The following PLCXD1 variants were observed in gnomAD, a reference collection of about 807,000 sequenced individuals.
PLCXD1 encodes PI-PLC X domain-containing protein 1.
PLCXD1 carries 45 observed loss-of-function variants against 37.8 expected under a neutral mutation model. The ratio of observed to expected loss-of-function variants is 1.19; its 90% CI spans 0.94 to 1.53. The LOEUF (loss-of-function observed/expected upper bound fraction) is 1.53, where lower values mean the gene tolerates loss of function less well. PLCXD1 is among the 40% of genes most tolerant of loss of function. The pLI is 0.00. For missense variants in PLCXD1, 539 were observed against 454.7 expected (o/e 1.19, Z -1.69); for synonymous variants, 246 against 206.9 (o/e 1.19, Z -1.62).
chrX:281,095 G>GA (rs765117203), upstream of PLCXD1: 3 of 27,038 alleles, frequency 1.1e-4, no homozygotes, highest in Admixed American at 7.5e-4. Flanking sequence ...CGTGCAGGGG[G>GA]AGGGGGGGCC....
At chrX:291,281 G>T (rs1455808077) in intron 4 of PLCXD1, among the ~76,000 whole-genome samples, 18 of 152,048 alleles carry the variant, frequency 1.2e-4, no homozygotes, top group Admixed American at 1.2e-3. Flanking sequence ...AAGTAGCTGG[G>T]ATTACAGACG....
Position 299,100 on chromosome X carries a change from G to C in PLCXD1, c.737G>C (p.Gly246Ala). The stretch of plus-strand genomic sequence containing the variant: ...CTCCCCACCCTCACCGTTGCAGGAG[G>C]GTTGTTCGTGGCCGGCATCAACCTC... ...ETMKSCGRPG[G>A]LFVAGINLTE... The change falls in exon 7 of 7, where the codon GGG becomes GCG. Residue 246 changes from glycine to alanine, a missense_variant. Coordinates refer to ENST00000381657, the MANE Select transcript of PLCXD1 (RefSeq NM_018390.4). 1 of 1,612,778 alleles carries C rather than the reference G, an allele frequency of 6.2e-7. No homozygotes were observed. The highest frequency in any genetic ancestry group is 8.5e-7 in the Non-Finnish European group (1 of 1,178,780).
chrX:284,621 TCTGCACAC>T (rs2069388403), intron 2 of PLCXD1, among the ~76,000 whole-genome samples: 5 of 149,562 alleles, frequency 3.3e-5, no homozygotes, highest in African/African-American at 7.4e-5. Context: ...CACATGCACA[TCTGCACAC>T]GCACATCTGC....
chrX:283,971 T>G lies in PLCXD1; in HGVS notation c.-21-196T>G, dbSNP rs777702863. 28 of 526,638 alleles carry G rather than the reference T, an allele frequency of 5.3e-5. 1 individual carries two copies. In the East Asian group the frequency reaches 9.3e-4, roughly 18 times the overall value. 32.6% of individuals were successfully genotyped at this position (526,638 alleles called of 1,614,324 possible). On this transcript the variant is annotated intron_variant, in intron 1 of 6. Transcript: ENST00000381657. Reference sequence around the variant, plus strand: ...ATCTCCGCTCACTGTAACCTCCACCTCCCGGGTTCAAGCGATTCTCCTGCC... The same window carrying G: ...ATCTCCGCTCACTGTAACCTCCACCGCCCGGGTTCAAGCGATTCTCCTGCC...
chrX:295,802 CAG>C (rs1483198890), intron 6 of PLCXD1, among the ~76,000 whole-genome samples: 5 of 151,834 alleles, frequency 3.3e-5, no homozygotes, highest in Admixed American at 6.6e-5. Context: ...GCTGGGATGA[CAG>C]GCGTGAGCCA....
At chrX:276,910 G>A (rs1466532442), upstream of PLCXD1, among the ~76,000 whole-genome samples, 4 of 152,204 alleles carry the variant, frequency 2.6e-5, no homozygotes, top group African/African-American at 4.8e-5. Flanking sequence ...CCTCTGGGAC[G>A]TGAGTCTCCC....
At chrX:284,337 G>T in intron 2 of PLCXD1, 23 bp downstream of exon 2, 2 of 1,612,078 alleles carry the variant, frequency 1.2e-6, no homozygotes, top group Non-Finnish European at 1.7e-6. Context: ...TGGGGCAGGG[G>T]CCGTTGCCTC....
upstream of PLCXD1, among the ~76,000 whole-genome samples, chrX:278,124 A>T: frequency 8.2e-6 from 1 of 122,332 alleles, no homozygotes; most frequent in African/African-American, 3.2e-5. Context: ...AGGTGTGGGG[A>T]CAGGAGTGGA....
In PLCXD1 at chrX:299,213, G is replaced by T; in HGVS notation, c.850G>T (p.Val284Phe). 6.2e-7 allele frequency: 1 copy of T among 1,613,886 alleles called. No homozygotes were observed. The highest frequency in any genetic ancestry group is 8.5e-7 in the Non-Finnish European group (1 of 1,179,846). ...LPNLPRLSAWVREQCPGPGSR... is the reference protein window; with the variant it reads ...LPNLPRLSAWFREQCPGPGSR... ...CAACCTTCCGCGGCTGAGCGCGTGG[G>T]TCCGAGAGCAGTGCCCGGGGCCGGG... The change falls in exon 7 of 7, where the codon GTC becomes TTC. Residue 284 changes from valine (V) to phenylalanine (F), a missense_variant. Physicochemically the swap from Val to Phe is conservative, Grantham distance 50. Coordinates refer to ENST00000381657, the MANE Select transcript of PLCXD1 (RefSeq NM_018390.4).
Position 290,730 on chromosome X carries a change from A to G in PLCXD1, c.347A>G (p.Lys116Arg), listed in dbSNP as rs776145990. 16 of 1,613,574 alleles carry G rather than the reference A, an allele frequency of 9.9e-6. No individual in the cohort carries two copies. The East Asian group carries it at 3.1e-4, about 31-fold the overall frequency. ...RIAHMLEGSE[K>R]NLHFVHMVYT... is the part of the protein sequence containing the mutation. ...GCCCACATGCTGGAGGGCTCGGAGA[A>G]GAACCTGCACTTTGTCCATATGGTG... Residue 116 changes from lysine (K) to arginine (R), a missense_variant, in exon 4 of 7, where the codon AAG (lysine) becomes AGG (arginine). Physicochemically the swap from Lys to Arg is conservative, Grantham distance 26. Transcript: ENST00000381657.
chrX:277,934 CAG>C (rs1491381114), upstream of PLCXD1, among the ~76,000 whole-genome samples: 1 of 32,556 alleles, frequency 3.1e-5, no homozygotes, highest in African/African-American at 1.5e-4. Context: ...GGGGAGGGGT[CAG>C]GGGGAACGTG....
rs371463694 is a variant in PLCXD1 at position 288,611 on chromosome X, A to G, written c.128-122A>G. ...GGGGTCAGCGTGCACCCCTCCCGCC[A>G]TACCTGTGCCTGTGCTGTGGGCGGG... On this transcript the variant is annotated intron_variant, in intron 2 of 6. Transcript: ENST00000381657. 1.4e-5 allele frequency: 15 copies of G among 1,065,200 alleles called. No individual in the cohort carries two copies. In the East Asian group the frequency reaches 2.6e-4, roughly 19 times the overall value. The allele number at this position is 1,065,200 out of a possible 1,614,324, so 66.0% of individuals were successfully genotyped here.
At position 300,052 on chromosome X, in the gene PLCXD1, C is replaced by CA. The variant is rs968112829; in HGVS notation, c.*738dup. 706 of 66,154 alleles carry CA rather than the reference C, an allele frequency of 0.011. 1 individual carries two copies. The highest frequency in any genetic ancestry group is 0.018 in the Middle Eastern group (2 of 114). The allele number at this position is 66,154 out of a possible 1,614,324, so 4.1% of individuals were successfully genotyped here. The stretch of plus-strand genomic sequence containing the variant: ...TGGGCGACAGAGCGAGACTCCATCT[C>CA]AAAAAAAAAAAAAAAAAAAAAGATG... On this transcript the variant is annotated 3_prime_UTR_variant, in exon 7 of 7. Coordinates refer to ENST00000381657, the MANE Select transcript of PLCXD1 (RefSeq NM_018390.4).
At chrX:276,766 G>C (rs28550099), upstream of PLCXD1, among the ~76,000 whole-genome samples, 16 of 151,758 alleles carry the variant, frequency 1.1e-4, no homozygotes, top group Middle Eastern at 3.4e-3. Flanking sequence ...GCGTGGGGAC[G>C]GGTCGGGACA....
chrX:299,477 G>A lies in PLCXD1; in HGVS notation c.*142G>A. On this transcript the variant is annotated 3_prime_UTR_variant, in exon 7 of 7. Transcript: ENST00000381657. ...TCATTTTCTTTAAAATAGAGATGGG[G>A]TGGCTGGGCGTGGTGACTTCGCCTG... The A allele has an allele frequency of 1.4e-6, 1 of 699,072 alleles. No homozygotes were observed. The highest frequency in any genetic ancestry group is 2.5e-6 in the Non-Finnish European group (1 of 401,764). 43.3% of individuals were successfully genotyped at this position (699,072 alleles called of 1,614,324 possible).
chrX:289,647 G>C (rs911643264), intron 3 of PLCXD1, among the ~76,000 whole-genome samples: 1 of 151,608 alleles, frequency 6.6e-6, no homozygotes, highest in Non-Finnish European at 1.5e-5. Context: ...GAGTAGCTGG[G>C]ACTACAGGCT....
Position 300,595 on chromosome X carries a change from T to A in PLCXD1, c.*1260T>A, listed in dbSNP as rs1441124234. On this transcript the variant is annotated 3_prime_UTR_variant, in exon 7 of 7. Coordinates refer to ENST00000381657, the MANE Select transcript of PLCXD1 (RefSeq NM_018390.4). ...GTGTACATGTATATGTGTTTATACA[T>A]GTATATGTGTGTATGCGTGTATACG... 6.7e-6 allele frequency: 1 copy of A among 150,358 alleles called. No homozygotes were observed. The highest frequency in any genetic ancestry group is 1.5e-5 in the Non-Finnish European group (1 of 67,472). 9.3% of individuals were successfully genotyped at this position (150,358 alleles called of 1,614,324 possible). A position where few individuals can be genotyped will look rare whatever the true frequency, so the allele number is the denominator to read the frequency against.
chrX:282,991 A>T (rs1288570254), intron 1 of PLCXD1, among the ~76,000 whole-genome samples: 4 of 146,252 alleles, frequency 2.7e-5, no homozygotes, highest in African/African-American at 9.9e-5. Flanking sequence ...AATATATATT[A>T]TATGTATATA....
At chrX:295,737 C>T (rs182572992) in intron 6 of PLCXD1, among the ~76,000 whole-genome samples, 2,303 of 151,978 alleles carry the variant, frequency 0.015, 24 homozygotes, top group African/African-American at 0.039. Context: ...CCATGTTGGT[C>T]GGGCTGGTCT....
Sources: allele counts gnomAD v4.1 joint callset (sites outside exome capture counted in the v4.1 genomes callset), GRCh38; gene constraint gnomAD v4.1.1; transcripts MANE v1.5; gene names NCBI Gene and HGNC (gene_info 2026-07-23, HGNC 2026-07-21).